Variants in BRAF observed in about 807,000 individuals in gnomAD.
BRAF encodes B-Raf proto-oncogene, serine/threonine kinase.
In BRAF, 16 loss-of-function variants were observed where a neutral mutation model predicts 104.6. The ratio of observed to expected loss-of-function variants is 0.15; its 90% CI spans 0.10 to 0.23. BRAF has a LOEUF of 0.23. Among genes scored for constraint, BRAF ranks in the 10% least tolerant of loss-of-function variants. BRAF has a pLI of 1.00. For synonymous variants in BRAF, 310 were observed against 341.6 expected (o/e 0.91, Z 1.02); for missense variants, 541 against 937.3 (o/e 0.58, Z 5.52).
At chr7:140,859,846 C>A (rs984780795) in intron 1 of BRAF, among the ~76,000 whole-genome samples, 1 of 152,054 alleles carries the variant, frequency 6.6e-6, no homozygotes, top group Non-Finnish European at 1.5e-5. Context: ...CACCACCATG[C>A]CCAGCTAATT....
At chr7:140,872,672 T>C (rs995207342) in intron 1 of BRAF, among the ~76,000 whole-genome samples, 23 of 152,100 alleles carry the variant, frequency 1.5e-4, no homozygotes, top group Non-Finnish European at 2.8e-4. Context: ...CTGGGCAACA[T>C]AGCGAGACCT....
intron 14 of BRAF, among the ~76,000 whole-genome samples, 181 bp from the exon 14 acceptor site, chr7:140,754,414 G>A (rs1218024467): frequency 6.6e-6 from 1 of 152,014 alleles, no homozygotes; most frequent in Non-Finnish European, 1.5e-5. Flanking sequence ...AAGATTATAG[G>A]AACATATCAC....
At chr7:140,824,437 T>C (rs1805792306) in intron 3 of BRAF, 1 of 152,174 alleles carries the variant, frequency 6.6e-6, no homozygotes, top group Admixed American at 6.5e-5. Context: ...GGTACCCTTG[T>C]CAAAGATCAT....
At chr7:140,794,183 T>C (rs901023471) in intron 8 of BRAF, 125 bp downstream of exon 8, 34 of 1,177,488 alleles carry the variant, frequency 2.9e-5, no homozygotes, top group Non-Finnish European at 4.0e-5. Context: ...ACAAGAAGCT[T>C]ATCACTTAAA....
chr7:140,814,664 C>CAA (rs944162686), intron 3 of BRAF, among the ~76,000 whole-genome samples: 2 of 146,504 alleles, frequency 1.4e-5, no homozygotes, highest in African/African-American at 5.1e-5. Flanking sequence ...GACTCCATCT[C>CAA]AAAAAATATA....
At chr7:140,745,889 G>A (rs554700041) in intron 17 of BRAF, among the ~76,000 whole-genome samples, 1 of 152,330 alleles carries the variant, frequency 6.6e-6, no homozygotes, top group Non-Finnish European at 1.5e-5. Context: ...ACCACGCTGT[G>A]AGAAAGACCA....
chr7:140,901,015 CT>C (rs1365167464), intron 1 of BRAF, among the ~76,000 whole-genome samples: 1 of 152,206 alleles, frequency 6.6e-6, no homozygotes, highest in Non-Finnish European at 1.5e-5. Context: ...AGTTGGGTAA[CT>C]GCTCTTTGGA....
intron 3 of BRAF, among the ~76,000 whole-genome samples, chr7:140,815,470 C>G (rs1413242638): frequency 1.6e-5 from 2 of 123,686 alleles, no homozygotes; most frequent in African/African-American, 6.4e-5. Context: ...GGGTCTTGCT[C>G]TGCCACCCAG....
intron 2 of BRAF, among the ~76,000 whole-genome samples, chr7:140,843,580 T>A (rs1388686885): frequency 6.6e-6 from 1 of 152,240 alleles, no homozygotes. Context: ...AAATTTCCCA[T>A]CTCTCTGCTT....
intron 1 of BRAF, among the ~76,000 whole-genome samples, chr7:140,905,846 T>G (rs971602944): frequency 1.3e-5 from 2 of 151,928 alleles, no homozygotes; most frequent in East Asian, 3.9e-4. Flanking sequence ...CCCAGCACTT[T>G]GGGAGGCCGA....
In BRAF at chr7:140,836,481, C is replaced by G. The variant is rs147956135; in HGVS notation, c.241-1609G>C. ...CTGCATCTTACCACATACTTTCGAA[C>G]AAATAAGGGGGGCGGGGAATAGTAA... On this transcript the variant is annotated intron_variant, in intron 2 of 19. Coordinates refer to ENST00000644969, the MANE Select transcript of BRAF (RefSeq NM_001374258.1). 3.3e-3 allele frequency among the ~76,000 whole-genome samples: 494 copies of G among 151,514 alleles called. 3 individuals are homozygous for G. The highest frequency in any genetic ancestry group is 0.012 in the African/African-American group (472 of 40,994).
intron 1 of BRAF, among the ~76,000 whole-genome samples, chr7:140,874,403 C>G (rs186911662): frequency 6.6e-6 from 1 of 151,558 alleles, no homozygotes; most frequent in South Asian, 2.1e-4. Context: ...GGTTTCATCA[C>G]GTTGGCCAGG....
intron 2 of BRAF, among the ~76,000 whole-genome samples, 199 bp downstream of exon 2, chr7:140,849,912 A>G (rs550735325): frequency 4.6e-5 from 7 of 152,306 alleles, no homozygotes; most frequent in African/African-American, 1.7e-4. Flanking sequence ...GATGTTTTCT[A>G]AATTATAAAA....
rs948686585 is a variant in BRAF at position 140,802,469 on chromosome 7, CTAT to C, written c.712-912_712-910del. Among the ~76,000 whole-genome samples, 10 of 151,672 alleles carry C rather than the reference CTAT, an allele frequency of 6.6e-5. 1 individual carries two copies. The highest frequency in any genetic ancestry group is 6.6e-4 in the Admixed American group (10 of 15,240). ...ATGCCACTAGGCCTGGCTAATTTTC[CTAT>C]TTTTTATTAGAGGAAGGGTTTCACC... On this transcript the variant is annotated intron_variant, in intron 5 of 19. Transcript: ENST00000644969.
At chr7:140,816,677 C>G (rs1268357025) in intron 3 of BRAF, among the ~76,000 whole-genome samples, 1 of 151,896 alleles carries the variant, frequency 6.6e-6, no homozygotes, top group East Asian at 1.9e-4. Context: ...CTCATTCTTT[C>G]AAAAATACTT....
rs904542008 is a variant in BRAF, at chr7:140,731,825, A to C, written c.2401+2792T>G. The C allele has an allele frequency of 3.3e-5, 5 of 152,328 alleles. No homozygotes were observed. The East Asian group carries it at 9.6e-4, about 29-fold the overall frequency. The allele number at this position is 152,328 out of a possible 1,614,324, so 9.4% of individuals were successfully genotyped here. ...TTTTTCCTCATCATTGATTAGTAAA[A>C]CTTTTAAAATGCAAAACAAATTTAT... On this transcript the variant is annotated intron_variant, in intron 19 of 19. Coordinates refer to ENST00000644969, the MANE Select transcript of BRAF (RefSeq NM_001374258.1).
chr7:140,772,268 T>TAACAACAAC (rs777105504), intron 14 of BRAF, among the ~76,000 whole-genome samples: 23 of 103,450 alleles, frequency 2.2e-4, no homozygotes, highest in Non-Finnish European at 2.9e-4. Context: ...ACAGATTGTT[T>TAACAACAAC]AACTACAACA....
At chr7:140,812,903 G>T (rs902767531) in intron 3 of BRAF, among the ~76,000 whole-genome samples, 1 of 152,100 alleles carries the variant, frequency 6.6e-6, no homozygotes, top group African/African-American at 2.4e-5. Context: ...ATATTTAAAT[G>T]CTGGAAGGAA....
rs1394068258 is a variant in BRAF at position 140,785,795 on chromosome 7, C to T, written c.1191G>A (p.Gln397=). Residue 397 remains glutamine (Q), a synonymous_variant, in exon 10 of 20, where the codon CAG becomes CAA. Coordinates refer to ENST00000644969, the MANE Select transcript of BRAF (RefSeq NM_001374258.1). ...GGTATTTCCGAAGACAGCGCATCAG[C>T]TGGTTCAAAGGGGCTGTTAGAAGAG... ...GFRGDGAPLN[Q]LMRCLRKYQS... 2.5e-6 allele frequency: 1 copy of T among 398,826 alleles called. No individual in the cohort carries two copies. Among genetic ancestry groups the T allele is most frequent in the Non-Finnish European group, 4.4e-6 (1 of 226,066 alleles). 24.7% of individuals were successfully genotyped at this position (398,826 alleles called of 1,614,324 possible).
Sources: allele counts gnomAD v4.1 joint callset (sites outside exome capture counted in the v4.1 genomes callset), GRCh38; gene constraint gnomAD v4.1.1; transcripts MANE v1.5; gene names NCBI Gene and HGNC (gene_info 2026-07-23, HGNC 2026-07-21).